The following HROB variants were observed in gnomAD, a reference collection of about 807,000 sequenced individuals.
HROB encodes homologous recombination factor with OB-fold.
A neutral mutation model predicts 61.0 loss-of-function variants in HROB; 44 were observed. That is an observed-to-expected ratio of 0.72 (90% CI 0.57 to 0.93). The LOEUF is 0.93. Among genes scored for constraint, HROB ranks in the 40% least tolerant of loss-of-function variants. HROB has a pLI of 0.00. For missense variants in HROB, 716 were observed against 796.2 expected (o/e 0.90, Z 1.21); for synonymous variants, 301 against 310.4 (o/e 0.97, Z 0.32).
chr17:44,146,193 GT>G (rs2053605762), intron 2 of HROB, among the ~76,000 whole-genome samples: 1 of 152,170 alleles, frequency 6.6e-6, no homozygotes, highest in Non-Finnish European at 1.5e-5. Flanking sequence ...GGGCCTACAG[GT>G]GTGTGCCACC....
At chr17:44,158,708 C>T (rs1328818916) in intron 9 of HROB, among the ~76,000 whole-genome samples, 1 of 150,264 alleles carries the variant, frequency 6.7e-6, no homozygotes. Flanking sequence ...TGCAGTGGTG[C>T]GATCTCAGCT....
At chr17:44,152,867 G>C (rs2053857217) in intron 5 of HROB, 90 bp downstream of exon 5, 2 of 1,498,920 alleles carry the variant, frequency 1.3e-6, no homozygotes, top group Non-Finnish European at 1.8e-6. Flanking sequence ...GGAAGGGGCT[G>C]TTTGCTCCCT....
intron 1 of HROB, 104 bp downstream of exon 1, chr17:44,142,249 G>C (rs2053467179): frequency 3.8e-6 from 5 of 1,330,130 alleles, no homozygotes; most frequent in Admixed American, 3.4e-5. Flanking sequence ...TGCAGGACCG[G>C]GGTCTGGGTG....
At chr17:44,157,985 C>A in intron 9 of HROB, 44 bp downstream of exon 9, 1 of 1,405,136 alleles carries the variant, frequency 7.1e-7, no homozygotes, top group Non-Finnish European at 9.9e-7. Context: ...GTTCTATTTC[C>A]TGTTGAATAG....
intron 3 of HROB, among the ~76,000 whole-genome samples, chr17:44,149,537 C>T (rs1273117189): frequency 6.6e-6 from 1 of 152,216 alleles, no homozygotes; most frequent in African/African-American, 2.4e-5. Flanking sequence ...GCGTGAGCCA[C>T]CACGCCTGAC....
At position 44,148,521 on chromosome 17, in the gene HROB, C is replaced by G; in HGVS notation, c.718C>G (p.Arg240Gly). The G allele has an allele frequency of 6.2e-7, 1 of 1,614,094 alleles. No individual in the cohort carries two copies. The highest frequency in any genetic ancestry group is 1.1e-5 in the South Asian group (1 of 91,090). Residue 240 changes from arginine (R) to glycine (G), a missense_variant, in exon 3 of 10, where the codon CGA becomes GGA. Coordinates refer to ENST00000585683, the MANE Select transcript of HROB (RefSeq NM_001171251.3). The part of the protein sequence containing the change: ...LDPVIQCRTP[R>G]PPLRPGAVGH... ...TCCTGTCATCCAATGTAGGACTCCA[C>G]GACCCCCCTTGAGACCTGGTGCTGT... is the stretch of plus-strand genomic sequence containing the variant.
intron 1 of HROB, among the ~76,000 whole-genome samples, chr17:44,144,414 T>A (rs988347351): frequency 4.6e-5 from 7 of 152,086 alleles, no homozygotes; most frequent in Admixed American, 3.3e-4. Flanking sequence ...GTTCTGAGAT[T>A]ATAGGTGTGA....
At chr17:44,142,466 C>CT (rs1156855939) in intron 1 of HROB, among the ~76,000 whole-genome samples, 1,825 of 137,822 alleles carry the variant, frequency 0.013, 41 homozygotes, top group South Asian at 0.03. Flanking sequence ...ACACTTTCTA[C>CT]TTTTTTTTTT....
chr17:44,150,874 A>G, intron 3 of HROB, 87 bp from the exon 4 acceptor site: 2 of 1,125,668 alleles, frequency 1.8e-6, no homozygotes, highest in Non-Finnish European at 2.6e-6. Context: ...CATTTCCTGA[A>G]CTCATTATGT....
intron 4 of HROB, among the ~76,000 whole-genome samples, chr17:44,152,018 TG>T (rs1342402754): frequency 6.6e-6 from 1 of 152,088 alleles, no homozygotes; most frequent in Non-Finnish European, 1.5e-5. Context: ...GGCTAATTTT[TG>T]TATTTTTAGT....
intron 8 of HROB, 45 bp downstream of exon 8, chr17:44,155,456 C>A: frequency 6.2e-7 from 1 of 1,604,498 alleles, no homozygotes; most frequent in South Asian, 1.1e-5. Context: ...GGCCCTCCTT[C>A]TGCCTGGATC....
rs573512631 is a variant in HROB, at chr17:44,142,408, C to T, written c.3+263C>T. 6.6e-5 allele frequency among the ~76,000 whole-genome samples: 10 copies of T among 152,018 alleles called. No individual in the cohort carries two copies. In the South Asian group the frequency reaches 1.7e-3, roughly 25 times the overall value. On this transcript the variant is annotated intron_variant, in intron 1 of 9. Coordinates refer to ENST00000585683, the MANE Select transcript of HROB (RefSeq NM_001171251.3). ...CTGGGAAACCCCCCTTTCCAGTGCG[C>T]TCAGACGTCACTACCGCTTGGGTCC...
intron 1 of HROB, among the ~76,000 whole-genome samples, chr17:44,143,111 T>C (rs1057038487): frequency 5.9e-5 from 9 of 152,246 alleles, no homozygotes; most frequent in South Asian, 2.1e-4. Flanking sequence ...AACTTATTTC[T>C]ATTTTTAGTA....
In HROB at chr17:44,157,868, G is replaced by A. The variant is rs115545881; in HGVS notation, c.1806G>A (p.Lys602=). 151 of 1,613,602 alleles carry A rather than the reference G, an allele frequency of 9.4e-5. No individual in the cohort carries two copies. The highest frequency in any genetic ancestry group is 1.3e-4 in the Non-Finnish European group (148 of 1,179,726). ...SGSFQHDVAA[K]PEEGFRTAQN... ...GCTTCCAGCATGATGTGGCTGCAAA[G>A]CCCGAGGAAGGCTTCAGAACAGCAC... Residue 602 remains lysine, a synonymous_variant, in exon 9 of 10, where the codon AAG becomes AAA. Transcript: ENST00000585683.
At chr17:44,152,836 C>T in intron 5 of HROB, 59 bp downstream of exon 5, 1 of 1,580,410 alleles carries the variant, frequency 6.3e-7, no homozygotes, top group East Asian at 2.2e-5. Flanking sequence ...TCTCTCTGAC[C>T]TACTGCCCTA....
chr17:44,142,746 G>T (rs1259717562), intron 1 of HROB, among the ~76,000 whole-genome samples: 2 of 152,068 alleles, frequency 1.3e-5, no homozygotes, highest in Non-Finnish European at 2.9e-5. Context: ...ACTCTCCTGG[G>T]ACCCTAGTTT....
chr17:44,146,092 C>A (rs2053602350), intron 2 of HROB, among the ~76,000 whole-genome samples: 1 of 152,126 alleles, frequency 6.6e-6, no homozygotes, highest in African/African-American at 2.4e-5. Context: ...TTCTGTCACC[C>A]AGGCTGGAGT....
In HROB at chr17:44,159,971, T is replaced by C. The variant is rs2054086103; in HGVS notation, c.1880-1900T>C. Among the ~76,000 whole-genome samples, 3 of 152,226 alleles carry C rather than the reference T, an allele frequency of 2.0e-5. No individual in the cohort carries two copies. The South Asian group carries it at 6.2e-4, about 32-fold the overall frequency. Reference sequence around the variant, plus strand: ...TCCCACAAGAGCTGGTGGAGCAGTGTTCTCGAACTCCCCCAAGGAGAGTTC... The same window carrying C: ...TCCCACAAGAGCTGGTGGAGCAGTGCTCTCGAACTCCCCCAAGGAGAGTTC... On this transcript the variant is annotated intron_variant, in intron 9 of 9. Transcript: ENST00000585683.
chr17:44,158,913 C>T (rs886281359), intron 9 of HROB, among the ~76,000 whole-genome samples: 1 of 152,124 alleles, frequency 6.6e-6, no homozygotes, highest in Non-Finnish European at 1.5e-5. Context: ...TCCCAAAGTG[C>T]TGGGATTACA....
Sources: gnomAD v4.1 joint callset for allele counts (sites outside exome capture counted in the v4.1 genomes callset) on GRCh38, gnomAD v4.1.1 for gene constraint, MANE v1.5 for transcripts, NCBI Gene and HGNC (gene_info 2026-07-23, HGNC 2026-07-21) for gene names.